The following PREX2 variants were observed in gnomAD, a reference collection of about 807,000 sequenced individuals.
PREX2 encodes phosphatidylinositol 3,4,5-trisphosphate-dependent Rac exchanger 2 protein.
Under a neutral mutation model 203.2 loss-of-function variants are expected in PREX2, and 107 were observed. That is an observed-to-expected ratio of 0.53 (90% CI 0.45 to 0.62). The LOEUF is 0.62. PREX2 is among the 20% of genes least tolerant of loss of function. The pLI is 0.00. For synonymous variants in PREX2, 672 were observed against 663.6 expected (o/e 1.01, Z -0.19); for missense variants, 1,777 against 1,955.9 (o/e 0.91, Z 1.72).
chr8:68,200,636 C>A (rs1812483070), intron 37 of PREX2, among the ~76,000 whole-genome samples: 1 of 150,736 alleles, frequency 6.6e-6, no homozygotes, highest in Non-Finnish European at 1.5e-5. Context: ...TAATATGTAC[C>A]CTAATAAATT....
At chr8:68,018,154 T>C (rs1807459971) in intron 2 of PREX2, among the ~76,000 whole-genome samples, 1 of 151,474 alleles carries the variant, frequency 6.6e-6, no homozygotes, top group African/African-American at 2.4e-5. Context: ...ACCAAGGCCT[T>C]GGGAACATTT....
chr8:68,096,838 T>C (rs1810092594), intron 21 of PREX2, among the ~76,000 whole-genome samples, 179 bp from the exon 22 acceptor site: 1 of 152,326 alleles, frequency 6.6e-6, no homozygotes, highest in East Asian at 1.9e-4. Flanking sequence ...CTCAAGCATA[T>C]GCTTTTCTCG....
chr8:68,182,444 T>A (rs982701128), intron 35 of PREX2, among the ~76,000 whole-genome samples: 1 of 152,104 alleles, frequency 6.6e-6, no homozygotes, highest in African/African-American at 2.4e-5. Flanking sequence ...TTAAATACTT[T>A]CCTTTAAGTA....
At chr8:67,984,561 C>T (rs1202969752) in intron 1 of PREX2, among the ~76,000 whole-genome samples, 2 of 152,152 alleles carry the variant, frequency 1.3e-5, no homozygotes, top group Non-Finnish European at 2.9e-5. Context: ...TATTTAACTA[C>T]TTCTGGTAGT....
At chr8:68,076,393 G>A (rs1253779038) in intron 14 of PREX2, among the ~76,000 whole-genome samples, 3 of 152,088 alleles carry the variant, frequency 2.0e-5, no homozygotes, top group Non-Finnish European at 2.9e-5. Flanking sequence ...GGAGGCGGAC[G>A]TTGCGGTGAG....
chr8:68,103,048 TG>T, intron 23 of PREX2: 1 of 466,950 alleles, frequency 2.1e-6, no homozygotes, highest in Non-Finnish European at 4.3e-6. Context: ...GGGCTTATTT[TG>T]GGTATTGGGA....
chr8:68,192,427 T>C lies in PREX2; in HGVS notation c.4506T>C (p.Ala1502=). The C allele has an allele frequency of 6.2e-7, 1 of 1,614,150 alleles. No homozygotes were observed. Among genetic ancestry groups the C allele is most frequent in the Non-Finnish European group, 8.5e-7 (1 of 1,179,994 alleles). ...GCACAGCTGCCTGTGCAAACACAGC[T>C]TGCAGTGCTTCTGGGGTTGGACTGC... The part of the protein sequence containing the change: ...SKRTAACANT[A]CSASGVGLLS... Residue 1502 remains alanine, a synonymous_variant, in exon 37 of 40, where the codon GCT becomes GCC. Transcript: ENST00000288368.
rs758128170 is a variant in PREX2 at position 68,083,430 on chromosome 8, A to G, written c.2027+42A>G. ...ATGTGTGATTTTTTAAAAGTTATAC[A>G]TAGATAAGTAACACAGAAAAGATAA... On this transcript the variant is annotated intron_variant, in intron 18 of 39. Coordinates refer to ENST00000288368, the MANE Select transcript of PREX2 (RefSeq NM_024870.4). The G allele has an allele frequency of 8.3e-6, 12 of 1,439,508 alleles. No homozygotes were observed. The Admixed American group carries it at 2.2e-4, about 27-fold the overall frequency. 89.2% of individuals were successfully genotyped at this position (1,439,508 alleles called of 1,614,324 possible).
chr8:68,061,244 G>A (rs1470024227), intron 11 of PREX2, among the ~76,000 whole-genome samples: 3 of 152,228 alleles, frequency 2.0e-5, no homozygotes, highest in African/African-American at 2.4e-5. Context: ...AGAGCCTCAC[G>A]TGGGTCCATG....
chr8:68,144,153 A>G (rs569324821), intron 33 of PREX2, among the ~76,000 whole-genome samples: 3 of 152,100 alleles, frequency 2.0e-5, no homozygotes, highest in East Asian at 3.9e-4. Flanking sequence ...TTCTTTTTCT[A>G]TGTTATGTTG....
intron 1 of PREX2, among the ~76,000 whole-genome samples, chr8:67,994,722 G>T (rs1180120340): frequency 5.3e-5 from 8 of 152,236 alleles, no homozygotes; most frequent in South Asian, 2.1e-4. Flanking sequence ...TGGTCTTCAA[G>T]AATTTTATCA....
rs1407344374 is a variant in PREX2, at chr8:68,038,815, A to G, written c.839+523A>G. ...TTCTTTCTACCTTACTCCTGTTGCC[A>G]TTTTGGGGGTGTTCAAAACTCACAT... On this transcript the variant is annotated intron_variant, in intron 7 of 39. Coordinates refer to ENST00000288368, the MANE Select transcript of PREX2 (RefSeq NM_024870.4). Among the ~76,000 whole-genome samples, 4 of 152,026 alleles carry G rather than the reference A, an allele frequency of 2.6e-5. No individual in the cohort carries two copies. The East Asian group carries it at 7.8e-4, about 30-fold the overall frequency.
intron 30 of PREX2, among the ~76,000 whole-genome samples, chr8:68,122,784 G>C (rs181694325): frequency 6.6e-6 from 1 of 152,056 alleles, no homozygotes; most frequent in African/African-American, 2.4e-5. Flanking sequence ...TCAAGGGCAG[G>C]TTATTCAATA....
chr8:68,094,890 TG>T (rs1810007318), intron 21 of PREX2: 1 of 152,290 alleles, frequency 6.6e-6, no homozygotes, highest in South Asian at 2.1e-4. Flanking sequence ...GGCTTTCACC[TG>T]TATTTCTGAC....
rs987319700 is a variant in PREX2 at position 68,232,870 on chromosome 8, A to G, written c.*1492A>G. 2 of 152,168 alleles carry G rather than the reference A, an allele frequency of 1.3e-5. No homozygotes were observed. The highest frequency in any genetic ancestry group is 4.8e-5 in the African/African-American group (2 of 41,448). 9.4% of individuals were successfully genotyped at this position (152,168 alleles called of 1,614,324 possible). On this transcript the variant is annotated 3_prime_UTR_variant, in exon 40 of 40. Coordinates refer to ENST00000288368, the MANE Select transcript of PREX2 (RefSeq NM_024870.4). ...TGACATCAAGTGATCCACCCACCTC[A>G]GCCTCCCAAAGTGCTAGGATTACAG...
intron 37 of PREX2, among the ~76,000 whole-genome samples, chr8:68,195,743 C>A (rs1434140128): frequency 6.6e-6 from 1 of 152,148 alleles, no homozygotes; most frequent in African/African-American, 2.4e-5. Flanking sequence ...CCATTTTTAT[C>A]ATTTACTTTT....
chr8:68,002,189 C>T (rs1806961843), intron 1 of PREX2, among the ~76,000 whole-genome samples: 2 of 137,912 alleles, frequency 1.5e-5, no homozygotes, highest in Admixed American at 1.6e-4. Flanking sequence ...GCTGTGCCAT[C>T]TAGGCTGGAA....
chr8:68,219,548 G>A (rs1812913154), intron 38 of PREX2, among the ~76,000 whole-genome samples: 1 of 152,056 alleles, frequency 6.6e-6, no homozygotes, highest in African/African-American at 2.4e-5. Flanking sequence ...TTTAAAAAAT[G>A]AATACATTTG....
At position 68,204,564 on chromosome 8, in the gene PREX2, A is replaced by G. The variant is rs569903428; in HGVS notation, c.4604+12039A>G. Among the ~76,000 whole-genome samples the G allele has an allele frequency of 4.0e-5, 6 of 151,682 alleles. No individual in the cohort carries two copies. The South Asian group carries it at 8.3e-4, about 21-fold the overall frequency. ...ATCAAGTTCTCTGTCTGCGGCCAGG[A>G]TCAGATCTTACCCAGCTGTTACCCA... On this transcript the variant is annotated intron_variant, in intron 37 of 39. Coordinates refer to ENST00000288368, the MANE Select transcript of PREX2 (RefSeq NM_024870.4).
Sources: allele counts gnomAD v4.1 joint callset (sites outside exome capture counted in the v4.1 genomes callset), GRCh38; gene constraint gnomAD v4.1.1; transcripts MANE v1.5; gene names NCBI Gene and HGNC (gene_info 2026-07-23, HGNC 2026-07-21).